CADPS2: variants seen among roughly 807,000 people sequenced by gnomAD.
CADPS2 encodes calcium dependent secretion activator 2.
In CADPS2, 93 loss-of-function variants were observed where a neutral mutation model predicts 172.5. The ratio of observed to expected loss-of-function variants is 0.54; its 90% CI spans 0.46 to 0.64. The LOEUF is 0.64. Ranked by LOEUF, CADPS2 falls within the 30% of genes least tolerant of loss-of-function variation. CADPS2 has a pLI of 0.00. For synonymous variants in CADPS2, 546 were observed against 555.2 expected, an observed-to-expected ratio of 0.98 and a Z score of 0.23; for missense variants, 1,420 against 1,565.9, an observed-to-expected ratio of 0.91 and a Z score of 1.57.
intron 7 of CADPS2, among the ~76,000 whole-genome samples, chr7:122,556,784 A>G (rs911026405): frequency 6.6e-6 from 1 of 152,186 alleles, no homozygotes; most frequent in African/African-American, 2.4e-5. Context: ...AGATTAAAGA[A>G]CATGAATGGC....
At chr7:122,715,457 G>C (rs1204617329) in intron 2 of CADPS2, among the ~76,000 whole-genome samples, 1 of 152,032 alleles carries the variant, frequency 6.6e-6, no homozygotes, top group African/African-American at 2.4e-5. Context: ...AACTGACACA[G>C]GATTTCCGTG....
chr7:122,656,627 T>TTA (rs1309781187), intron 3 of CADPS2, among the ~76,000 whole-genome samples: 1 of 152,036 alleles, frequency 6.6e-6, no homozygotes, highest in East Asian at 1.9e-4. Context: ...CTCCAACACT[T>TTA]TACCACAATA....
intron 28 of CADPS2, among the ~76,000 whole-genome samples, chr7:122,337,263 G>T (rs917326688): frequency 1.3e-5 from 2 of 152,194 alleles, no homozygotes; most frequent in East Asian, 3.9e-4. Context: ...CAGATGAGGT[G>T]CCTGTTTAAG....
At chr7:122,460,566 C>T (rs548006970) in intron 14 of CADPS2, among the ~76,000 whole-genome samples, 1 of 151,898 alleles carries the variant, frequency 6.6e-6, no homozygotes, top group Admixed American at 6.6e-5. Context: ...TTTAAGAATT[C>T]CCACATATTA....
At chr7:122,343,853 A>G (rs1193982118) in intron 28 of CADPS2, among the ~76,000 whole-genome samples, 2 of 152,226 alleles carry the variant, frequency 1.3e-5, no homozygotes. Context: ...TCAGAGCAAT[A>G]CCAAATGGAA....
At chr7:122,757,488 G>A (rs970538687) in intron 1 of CADPS2, among the ~76,000 whole-genome samples, 1 of 151,978 alleles carries the variant, frequency 6.6e-6, no homozygotes, top group Non-Finnish European at 1.5e-5. Flanking sequence ...AATAAATTTA[G>A]CACCCCAGGG....
intron 1 of CADPS2, among the ~76,000 whole-genome samples, chr7:122,783,165 G>T (rs1303547694): frequency 1.4e-5 from 2 of 145,278 alleles, no homozygotes; most frequent in South Asian, 2.2e-4. Flanking sequence ...GCAGTGAGCC[G>T]AGAGGCGACA....
intron 9 of CADPS2, among the ~76,000 whole-genome samples, chr7:122,497,376 T>C (rs1435180186): frequency 6.6e-6 from 1 of 152,140 alleles, no homozygotes; most frequent in East Asian, 1.9e-4. Flanking sequence ...GCCATGCCTC[T>C]TTTTCTTTCA....
At chr7:122,630,206 G>T (rs942003347) in intron 3 of CADPS2, among the ~76,000 whole-genome samples, 1 of 152,116 alleles carries the variant, frequency 6.6e-6, no homozygotes, top group African/African-American at 2.4e-5. Flanking sequence ...ATTCGATTGA[G>T]TATAACATTA....
At chr7:122,372,427 AT>A (rs1384264061) in intron 25 of CADPS2, among the ~76,000 whole-genome samples, 1 of 152,144 alleles carries the variant, frequency 6.6e-6, no homozygotes, top group East Asian at 1.9e-4. Context: ...GGCACATAAA[AT>A]GTGTATATAG....
At chr7:122,490,717 A>G (rs2058204225) in intron 10 of CADPS2, among the ~76,000 whole-genome samples, 2 of 151,894 alleles carry the variant, frequency 1.3e-5, no homozygotes, top group African/African-American at 4.8e-5. Flanking sequence ...CTTTCACATA[A>G]TATTTTGCAT....
chr7:122,827,332 TC>T (rs1805199516), intron 1 of CADPS2, among the ~76,000 whole-genome samples: 1 of 152,198 alleles, frequency 6.6e-6, no homozygotes, highest in African/African-American at 2.4e-5. Flanking sequence ...CTAGATGGTT[TC>T]AAAGAAAATT....
chr7:122,858,039 C>T (rs1306080804), intron 1 of CADPS2, among the ~76,000 whole-genome samples: 1 of 152,012 alleles, frequency 6.6e-6, no homozygotes, highest in Non-Finnish European at 1.5e-5. Flanking sequence ...TGGAAGGGGA[C>T]CCTAGCAGGT....
rs1254496505 is a variant in CADPS2, at chr7:122,541,846, T to TA, written c.1475+12703_1475+12704insT. On this transcript the variant is annotated intron_variant, in intron 8 of 29. Transcript: ENST00000449022. ...GTTTATATATTCATATGTTTATATA[T>TA]TCATATATATTTATATATATGCATA... Among the ~76,000 whole-genome samples the TA allele has an allele frequency of 5.6e-3, 722 of 128,016 alleles. 7 individuals are homozygous for TA. The highest frequency in any genetic ancestry group is 0.019 in the African/African-American group (675 of 35,094). The allele number at this position is 128,016 out of a possible 152,430, so 84.0% of individuals were successfully genotyped here.
intron 2 of CADPS2, among the ~76,000 whole-genome samples, chr7:122,683,851 A>G (rs2083336242): frequency 1.3e-5 from 2 of 151,880 alleles, no homozygotes; most frequent in South Asian, 4.2e-4. Context: ...GTTTCCTCCC[A>G]CATCCCAAAG....
intron 17 of CADPS2, among the ~76,000 whole-genome samples, chr7:122,426,937 A>G (rs1350128166): frequency 6.6e-6 from 1 of 152,256 alleles, no homozygotes; most frequent in Non-Finnish European, 1.5e-5. Flanking sequence ...AAGTGAGCTG[A>G]GCAAACTGAC....
At position 122,526,614 on chromosome 7, in the gene CADPS2, C is replaced by T. The variant is rs560776121; in HGVS notation, c.1476-13299G>A. Among the ~76,000 whole-genome samples, 5 of 152,338 alleles carry T rather than the reference C, an allele frequency of 3.3e-5. No homozygotes were observed. In the South Asian group the frequency reaches 1.0e-3, roughly 32 times the overall value. On this transcript the variant is annotated intron_variant, in intron 8 of 29. Coordinates refer to ENST00000449022, the MANE Select transcript of CADPS2 (RefSeq NM_017954.11). ...TGTGTTTCACCCCATTTGTCCCACA[C>T]ATTGTACAATTTCATCCATTTCTAA...
intron 3 of CADPS2, among the ~76,000 whole-genome samples, chr7:122,648,726 G>T (rs1190926475): frequency 6.6e-6 from 1 of 152,134 alleles, no homozygotes; most frequent in African/African-American, 2.4e-5. Context: ...CCAGGCCATA[G>T]TTCTCAAGTG....
intron 27 of CADPS2, among the ~76,000 whole-genome samples, chr7:122,351,091 C>A (rs535054630): frequency 6.6e-6 from 1 of 151,082 alleles, no homozygotes; most frequent in African/African-American, 2.4e-5. Flanking sequence ...CCAGACTGGG[C>A]GTGGTGATTC....
Sources: allele counts gnomAD v4.1 joint callset (sites outside exome capture counted in the v4.1 genomes callset), GRCh38; gene constraint gnomAD v4.1.1; transcripts MANE v1.5; gene names NCBI Gene and HGNC (gene_info 2026-07-23, HGNC 2026-07-21).